PRELID2: variants seen among roughly 807,000 people sequenced by gnomAD.
The protein encoded by PRELID2 is PRELI domain-containing protein 2.
A neutral mutation model predicts 28.4 loss-of-function variants in PRELID2; 25 were observed. That is an observed-to-expected ratio of 0.88 (90% CI 0.64 to 1.23). The LOEUF (loss-of-function observed/expected upper bound fraction) is 1.23, where lower values mean the gene tolerates loss of function less well. PRELID2 is among the 50% of genes most tolerant of loss of function. The probability of loss-of-function intolerance (pLI) is 0.00; values close to 1 mark genes in which losing one functional copy is unlikely to be tolerated. For synonymous variants in PRELID2, 76 were observed against 71.6 expected, an observed-to-expected ratio of 1.06 and a Z score of -0.31; for missense variants, 201 against 214.4, an observed-to-expected ratio of 0.94 and a Z score of 0.39.
intron 3 of PRELID2, chr5:145,819,254 A>G: frequency 1.4e-6 from 1 of 693,498 alleles, no homozygotes; most frequent in Non-Finnish European, 2.6e-6. Flanking sequence ...GGTTGAAACT[A>G]CCCTCTGAGA....
At chr5:145,647,124 C>T (rs1159065697) in intron 1 of PRELID2, among the ~76,000 whole-genome samples, 2 of 152,192 alleles carry the variant, frequency 1.3e-5, no homozygotes, top group Non-Finnish European at 2.9e-5. Flanking sequence ...CCACAGCCAC[C>T]CCTTTCTCCA....
chr5:145,419,765 T>C, the PRELID2 span, among the ~76,000 whole-genome samples: 1 of 152,104 alleles, frequency 6.6e-6, no homozygotes. Context: ...TTGTCTTTTG[T>C]TACCATTGCT....
At chr5:145,290,892 C>A in the PRELID2 span, among the ~76,000 whole-genome samples, 1 of 150,862 alleles carries the variant, frequency 6.6e-6, no homozygotes, top group Non-Finnish European at 1.5e-5. Flanking sequence ...GAATTTTAAA[C>A]TTTTAATATA....
chr5:145,625,759 A>G (rs1379429407), intron 1 of PRELID2, among the ~76,000 whole-genome samples: 1 of 152,184 alleles, frequency 6.6e-6, no homozygotes, highest in Non-Finnish European at 1.5e-5. Context: ...CTGAAAATGT[A>G]TACTTTAAAT....
At chr5:145,726,554 T>C (rs184896740) in intron 1 of PRELID2, among the ~76,000 whole-genome samples, 2 of 152,238 alleles carry the variant, frequency 1.3e-5, no homozygotes, top group East Asian at 3.9e-4. Context: ...GATGGATAGA[T>C]ATGTAGACAG....
At chr5:145,280,988 G>T in the PRELID2 span, among the ~76,000 whole-genome samples, 1 of 152,074 alleles carries the variant, frequency 6.6e-6, no homozygotes, top group Non-Finnish European at 1.5e-5. Flanking sequence ...AGGAACAGCA[G>T]TATCTAGATG....
At chr5:145,376,671 T>C in the PRELID2 span, among the ~76,000 whole-genome samples, 2 of 152,338 alleles carry the variant, frequency 1.3e-5, no homozygotes, top group South Asian at 2.1e-4. Flanking sequence ...GTTTTTATTT[T>C]ATGTGCATAG....
At chr5:145,240,097 G>A in the PRELID2 span, among the ~76,000 whole-genome samples, 160 of 152,054 alleles carry the variant, frequency 1.1e-3, 1 homozygote, top group African/African-American at 3.4e-3. Flanking sequence ...TATGATAATT[G>A]AATGCATGAA....
chr5:145,400,109 GT>G, the PRELID2 span, among the ~76,000 whole-genome samples: 488 of 152,198 alleles, frequency 3.2e-3, 4 homozygotes, highest in African/African-American at 0.011. Context: ...GGCTAGAAGT[GT>G]TAGCCCTGAT....
At chr5:145,433,791 T>C in the PRELID2 span, among the ~76,000 whole-genome samples, 1 of 152,192 alleles carries the variant, frequency 6.6e-6, no homozygotes, top group African/African-American at 2.4e-5. Flanking sequence ...CTTTGTTTCC[T>C]AGCCCTAGGC....
In PRELID2 at chr5:145,746,113, C is replaced by T. The variant is rs151286300; in HGVS notation, n.70+18818G>A. Among the ~76,000 whole-genome samples, 160 of 152,134 alleles carry T rather than the reference C, an allele frequency of 1.1e-3. 2 individuals are homozygous for T. The East Asian group carries it at 0.021, about 20-fold the overall frequency. ...TATGAAGAAATTGCATCAACTAGTG[C>T]GCAAAATAACCAGCTAGCATCATGA... On this transcript the variant is annotated intron_variant and non_coding_transcript_variant, in intron 1 of 2. Coordinates refer to the PRELID2 transcript ENST00000510259.
intron 1 of PRELID2, among the ~76,000 whole-genome samples, chr5:145,833,027 A>C (rs1755707370): frequency 6.6e-6 from 1 of 152,066 alleles, no homozygotes; most frequent in Admixed American, 6.5e-5. Flanking sequence ...TCCCCACTAC[A>C]CACCATCAGT....
intron 1 of PRELID2, among the ~76,000 whole-genome samples, chr5:145,670,125 T>A (rs1754676816): frequency 6.6e-6 from 1 of 152,152 alleles, no homozygotes; most frequent in African/African-American, 2.4e-5. Flanking sequence ...AGAGGTTTAT[T>A]TGGCTTGCAC....
chr5:145,623,322 C>T (rs899911986), intron 1 of PRELID2, among the ~76,000 whole-genome samples: 1 of 151,894 alleles, frequency 6.6e-6, no homozygotes, highest in African/African-American at 2.4e-5. Context: ...GTGGCGCGCA[C>T]CTGTAATCCC....
chr5:145,557,405 A>G (rs1379188424), intron 1 of PRELID2, among the ~76,000 whole-genome samples: 1 of 152,218 alleles, frequency 6.6e-6, no homozygotes, highest in East Asian at 1.9e-4. Flanking sequence ...GTAAAATAGC[A>G]ATCTAATGAC....
chr5:145,453,775 C>T, the PRELID2 span, among the ~76,000 whole-genome samples: 18 of 152,108 alleles, frequency 1.2e-4, 1 homozygote, highest in African/African-American at 4.3e-4. Context: ...TCATCCATGC[C>T]CCTGCAAAGG....
the PRELID2 span, among the ~76,000 whole-genome samples, chr5:145,290,400 C>A: frequency 6.6e-6 from 1 of 151,984 alleles, no homozygotes; most frequent in South Asian, 2.1e-4. Context: ...CACATATACA[C>A]CATGGAATAC....
intron 1 of PRELID2, among the ~76,000 whole-genome samples, chr5:145,548,246 C>G (rs1352349821): frequency 6.6e-6 from 1 of 152,180 alleles, no homozygotes; most frequent in Non-Finnish European, 1.5e-5. Flanking sequence ...CCCCACCTCC[C>G]CTTCTTTTGT....
At chr5:145,578,173 T>C (rs1372830365) in intron 1 of PRELID2, among the ~76,000 whole-genome samples, 1 of 152,134 alleles carries the variant, frequency 6.6e-6, no homozygotes, top group African/African-American at 2.4e-5. Flanking sequence ...CCGAGGAAGA[T>C]ATCTCCCATC....
Sources: allele counts gnomAD v4.1 joint callset (sites outside exome capture counted in the v4.1 genomes callset), GRCh38; gene constraint gnomAD v4.1.1; transcripts MANE v1.5; gene names NCBI Gene and HGNC (gene_info 2026-07-23, HGNC 2026-07-21).